The following XPO4 variants were observed in gnomAD, a reference collection of about 807,000 sequenced individuals.
The protein encoded by XPO4 is exportin-4.
XPO4 carries 39 observed loss-of-function variants against 143.0 expected under a neutral mutation model. The observed-to-expected ratio is 0.27, with a 90% CI of 0.21 to 0.36. The LOEUF (loss-of-function observed/expected upper bound fraction) is 0.36, where lower values mean the gene tolerates loss of function less well. Among genes scored for constraint, XPO4 ranks in the 10% least tolerant of loss-of-function variants. The pLI is 1.00. For missense variants in XPO4, 907 were observed against 1,348.0 expected (o/e 0.67, Z 5.12); for synonymous variants, 439 against 474.0 (o/e 0.93, Z 0.96).
At chr13:20,898,440 C>T (rs2060589316) in intron 1 of XPO4, among the ~76,000 whole-genome samples, 1 of 152,112 alleles carries the variant, frequency 6.6e-6, no homozygotes, top group African/African-American at 2.4e-5. Context: ...TGCCAGGTAC[C>T]TGCAGTCTCA....
rs369137201 is a variant in XPO4 at position 20,900,308 on chromosome 13, C to T, written c.69+2362G>A. ...CTGAGGCAGGAGAATCGCTTGAACC[C>T]GGGAGGCGGAGGTGGCAGTGAGCCA... On this transcript the variant is annotated intron_variant, in intron 1 of 22. Coordinates refer to ENST00000255305, the MANE Select transcript of XPO4 (RefSeq NM_022459.5). 1.3e-4 allele frequency among the ~76,000 whole-genome samples: 20 copies of T among 151,886 alleles called. No individual in the cohort carries two copies. The South Asian group carries it at 3.1e-3, about 24-fold the overall frequency.
intron 2 of XPO4, among the ~76,000 whole-genome samples, chr13:20,865,797 T>C (rs1177117991): frequency 1.3e-5 from 2 of 152,220 alleles, no homozygotes; most frequent in African/African-American, 2.4e-5. Context: ...GCTCCAAGTC[T>C]ACTCTTTGAC....
At chr13:20,867,678 T>G (rs550196983) in intron 2 of XPO4, among the ~76,000 whole-genome samples, 2 of 152,282 alleles carry the variant, frequency 1.3e-5, no homozygotes, top group African/African-American at 4.8e-5. Flanking sequence ...AACACATAAC[T>G]TTAATTGTAG....
chr13:20,856,606 T>C (rs2060146529), intron 3 of XPO4, among the ~76,000 whole-genome samples: 1 of 152,218 alleles, frequency 6.6e-6, no homozygotes, highest in African/African-American at 2.4e-5. Flanking sequence ...CATTCTAGCT[T>C]TCCTGGGACA....
Position 20,842,975 on chromosome 13 carries a change from T to C in XPO4, c.647A>G (p.Asn216Ser), listed in dbSNP as rs751084199. ...CTGAAATACTGAAGACATCTGAGCA[T>C]TGAGGTTTTCCCGCCTGCTGAACTC... ...LQEFSRRENLNAQMSSVFQRY... is the reference protein window; with the variant it reads ...LQEFSRRENLSAQMSSVFQRY... Residue 216 changes from asparagine (N) to serine (S), a missense_variant, in exon 6 of 23, where the codon AAT (asparagine) becomes AGT (serine). Physicochemically the swap from Asn to Ser is conservative, Grantham distance 46 (BLOSUM62 1). Coordinates refer to ENST00000255305, the MANE Select transcript of XPO4 (RefSeq NM_022459.5). 7 of 1,613,636 alleles carry C rather than the reference T, an allele frequency of 4.3e-6. No individual in the cohort carries two copies. The highest frequency in any genetic ancestry group is 5.9e-6 in the Non-Finnish European group (7 of 1,179,672).
chr13:20,884,958 T>G (rs1231604703), intron 1 of XPO4, among the ~76,000 whole-genome samples: 2 of 151,844 alleles, frequency 1.3e-5, no homozygotes, highest in East Asian at 3.9e-4. Flanking sequence ...TGGTTTGTTT[T>G]TTTGTTTGTT....
At chr13:20,897,321 CA>C (rs2060579136) in intron 1 of XPO4, among the ~76,000 whole-genome samples, 1 of 152,142 alleles carries the variant, frequency 6.6e-6, no homozygotes, top group South Asian at 2.1e-4. Flanking sequence ...TCCTCAAACT[CA>C]CTGTATTTCC....
At chr13:20,882,937 C>T (rs2060426702) in intron 1 of XPO4, among the ~76,000 whole-genome samples, 1 of 151,914 alleles carries the variant, frequency 6.6e-6, no homozygotes, top group Non-Finnish European at 1.5e-5. Context: ...ACCATCCATT[C>T]TCTGCTGTAC....
chr13:20,888,839 G>A (rs1487720979), intron 1 of XPO4, among the ~76,000 whole-genome samples: 5 of 149,476 alleles, frequency 3.3e-5, no homozygotes, highest in Admixed American at 6.7e-5. Context: ...TTTCGCTCTT[G>A]TTGCCCAAGC....
chr13:20,805,878 T>C (rs557736304), intron 13 of XPO4, among the ~76,000 whole-genome samples: 1 of 152,222 alleles, frequency 6.6e-6, no homozygotes, highest in South Asian at 2.1e-4. Context: ...TTCTACCATA[T>C]AACATTAAAT....
chr13:20,803,655 T>C lies in XPO4; in HGVS notation c.1818-2665A>G, dbSNP rs575162304. ...TGCTGTAAATCCTTGTCAGTATTTT[T>C]ACTCCCACTTTATCAGCCCCACCCA... On this transcript the variant is annotated intron_variant, in intron 13 of 22. Transcript: ENST00000255305. The surrounding 1 kb of genome is among the most constrained non-coding windows in gnomAD (Gnocchi z 4.1). 1.2e-4 allele frequency among the ~76,000 whole-genome samples: 18 copies of C among 152,304 alleles called. No homozygotes were observed. The East Asian group carries it at 3.5e-3, about 29-fold the overall frequency.
chr13:20,862,564 G>A (rs536612650), intron 3 of XPO4, among the ~76,000 whole-genome samples, 153 bp downstream of exon 3: 36 of 152,158 alleles, frequency 2.4e-4, no homozygotes, highest in African/African-American at 7.5e-4. Context: ...CTGGGCTCAA[G>A]GAGATCCTCC....
chr13:20,819,496 C>T (rs2059691598), intron 9 of XPO4, among the ~76,000 whole-genome samples: 1 of 152,010 alleles, frequency 6.6e-6, no homozygotes, highest in Admixed American at 6.6e-5. Flanking sequence ...CCCGTCTCTA[C>T]TAAAAATACA....
At chr13:20,786,082 T>C (rs2059201787) in intron 22 of XPO4, among the ~76,000 whole-genome samples, 1 of 151,510 alleles carries the variant, frequency 6.6e-6, no homozygotes, top group Admixed American at 6.6e-5. Context: ...AGGGCACAGA[T>C]TTGAGAGCAG....
At chr13:20,820,077 T>C (rs2059700382) in intron 9 of XPO4, among the ~76,000 whole-genome samples, 1 of 152,186 alleles carries the variant, frequency 6.6e-6, no homozygotes, top group African/African-American at 2.4e-5. Context: ...TTAAATATCA[T>C]AAACAGCTCA....
intron 2 of XPO4, chr13:20,863,097 C>G: frequency 8.4e-7 from 1 of 1,195,956 alleles, no homozygotes; most frequent in African/African-American, 1.5e-5. Context: ...CACCTCTCTT[C>G]AACTGTTACT....
At chr13:20,808,970 T>C (rs1343486834) in intron 11 of XPO4, 113 bp downstream of exon 11, 10 of 1,204,210 alleles carry the variant, frequency 8.3e-6, no homozygotes, top group Non-Finnish European at 1.2e-5. Context: ...TTTGTTCCAG[T>C]GTGCTGGGAC....
At chr13:20,793,908 C>T (rs1430356225) in intron 18 of XPO4, among the ~76,000 whole-genome samples, 11 of 152,144 alleles carry the variant, frequency 7.2e-5, no homozygotes, top group African/African-American at 2.7e-4. Flanking sequence ...CTCAGGAAGG[C>T]TGTGCTGGGG....
chr13:20,781,807 G>A lies in XPO4; in HGVS notation c.*1915C>T, dbSNP rs1052270925. The A allele has an allele frequency of 2.6e-5, 4 of 152,094 alleles. No individual in the cohort carries two copies. The highest frequency in any genetic ancestry group is 9.7e-5 in the African/African-American group (4 of 41,402). 9.4% of individuals were successfully genotyped at this position (152,094 alleles called of 1,614,324 possible). A position where few individuals can be genotyped will look rare whatever the true frequency, so the allele number is the denominator to read the frequency against. On this transcript the variant is annotated 3_prime_UTR_variant, in exon 23 of 23. Coordinates refer to ENST00000255305, the MANE Select transcript of XPO4 (RefSeq NM_022459.5). ...TAATTCACAACAGCTGAGAAAGCTT[G>A]AGGGATCTGGGAAACACAAAACACC...
Sources: allele counts gnomAD v4.1 joint callset (sites outside exome capture counted in the v4.1 genomes callset), GRCh38; gene constraint gnomAD v4.1.1; non-coding constraint Gnocchi (gnomAD v3.1); transcripts MANE v1.5; gene names NCBI Gene and HGNC (gene_info 2026-07-23, HGNC 2026-07-21).